Variants in ILK observed in about 807,000 individuals in gnomAD.
ILK encodes the protein integrin linked kinase.
In ILK, 37 loss-of-function variants were observed where a neutral mutation model predicts 57.8. The observed-to-expected ratio is 0.64, with a 90% CI of 0.49 to 0.84. The LOEUF (loss-of-function observed/expected upper bound fraction) is 0.84. ILK is among the 40% of genes least tolerant of loss of function. The pLI is 0.00. For synonymous variants in ILK, 231 were observed against 202.2 expected, an observed-to-expected ratio of 1.14 and a Z score of -1.21; for missense variants, 528 against 595.7, an observed-to-expected ratio of 0.89 and a Z score of 1.18.
At chr11:6,605,535 G>A (rs1208331746) in intron 2 of ILK, among the ~76,000 whole-genome samples, 1 of 151,912 alleles carries the variant, frequency 6.6e-6, no homozygotes, top group African/African-American at 2.4e-5. Context: ...TAAGTTAAGG[G>A]GTACATGTGC....
rs2134578740 is a variant in ILK at position 6,610,762 on chromosome 11, C to T, written c.*151C>T. The T allele has an allele frequency of 7.5e-7, 1 of 1,325,624 alleles. No individual in the cohort carries two copies. 82.1% of individuals were successfully genotyped at this position (1,325,624 alleles called of 1,614,324 possible). A position where few individuals can be genotyped will look rare whatever the true frequency, so the allele number is the denominator to read the frequency against. On this transcript the variant is annotated 3_prime_UTR_variant, in exon 13 of 13. Transcript: ENST00000299421. ...GTCCATCCCCTTCCCCCATCCCTACCACTGTGGCCCCAAGAGGGGCGGGCT... is the reference window on the plus strand; with the variant it reads ...GTCCATCCCCTTCCCCCATCCCTACTACTGTGGCCCCAAGAGGGGCGGGCT...
At chr11:6,607,655 A>G (rs538548470) in intron 2 of ILK, 4 of 313,700 alleles carry the variant, frequency 1.3e-5, no homozygotes, top group South Asian at 1.1e-4. Flanking sequence ...AAGACAGTCC[A>G]TTAACAGATT....
chr11:6,603,979 G>T, intron 1 of ILK, 157 bp downstream of exon 1: 1 of 550,350 alleles, frequency 1.8e-6, no homozygotes, highest in East Asian at 3.2e-5. Context: ...CGCGGATAGG[G>T]TCTAGTTGCC....
Position 6,610,708 on chromosome 11 carries a change from T to C in ILK, c.*97T>C. 6.7e-7 allele frequency: 1 copy of C among 1,485,430 alleles called. No homozygotes were observed. The highest frequency in any genetic ancestry group is 1.8e-5 in the Admixed American group (1 of 57,058). The allele number at this position is 1,485,430 out of a possible 1,614,324, so 92.0% of individuals were successfully genotyped here. A position where few individuals can be genotyped will look rare whatever the true frequency, so the allele number is the denominator to read the frequency against. ...CAGGCCTCTGGTTGCCTCCCCCGCC[T>C]CCAGTCATGGTACTACCCCAGCCAT... On this transcript the variant is annotated 3_prime_UTR_variant, in exon 13 of 13. Coordinates refer to ENST00000299421, the MANE Select transcript of ILK (RefSeq NM_004517.4).
At chr11:6,609,466 AAG>A in intron 8 of ILK, 44 bp from the exon 9 acceptor site, 3 of 1,614,084 alleles carry the variant, frequency 1.9e-6, no homozygotes, top group Non-Finnish European at 8.5e-7. Context: ...ATAGCACTGA[AAG>A]AGATCTTTTG....
Position 6,610,068 on chromosome 11 carries a change from A to G in ILK, c.1078+33A>G, listed in dbSNP as rs184775200. On this transcript the variant is annotated intron_variant, in intron 11 of 12. Transcript: ENST00000299421. The stretch of plus-strand genomic sequence containing the variant: ...AAGTCATCATGTCGGGAGGTAAAAA[A>G]GGACCACCTCAGAAGTAGTGGAAGG... The G allele has an allele frequency of 8.4e-4, 1,349 of 1,613,988 alleles. 6 individuals are homozygous for G. The African/African-American group carries it at 0.014, about 17-fold the overall frequency.
Position 6,608,232 on chromosome 11 carries a change from C to CATCCACA in ILK, c.255+22_255+28dup, listed in dbSNP as rs769142558. Reference sequence around the variant, plus strand: ...AGAAGGTACGTACAAACTCCTTCGTCATCCACATCACATACATGCCATGAG... The same window carrying CATCCACA: ...AGAAGGTACGTACAAACTCCTTCGTCATCCACAATCCACATCACATACATGCCATGAG... On this transcript the variant is annotated intron_variant, in intron 3 of 12. Coordinates refer to ENST00000299421, the MANE Select transcript of ILK (RefSeq NM_004517.4). This position sits in a 1 kb window ranked among gnomAD's most constrained non-coding sequence, Gnocchi z 4.9. 6.2e-7 allele frequency: 1 copy of CATCCACA among 1,613,656 alleles called. No homozygotes were observed. Among genetic ancestry groups the CATCCACA allele is most frequent in the South Asian group, 1.1e-5 (1 of 91,044 alleles).
At position 6,610,636 on chromosome 11, in the gene ILK, CCA is replaced by C. The variant is rs1855413190; in HGVS notation, c.*26_*27del. 2 of 1,613,868 alleles carry C rather than the reference CCA, an allele frequency of 1.2e-6. No individual in the cohort carries two copies. Among genetic ancestry groups the C allele is most frequent in the Non-Finnish European group, 8.5e-7 (1 of 1,179,916 alleles). On this transcript the variant is annotated 3_prime_UTR_variant, in exon 13 of 13. Coordinates refer to ENST00000299421, the MANE Select transcript of ILK (RefSeq NM_004517.4). ...GGACTGGAAGGTCCTTGCCTGAACT[CCA>C]GAGGTGTCGGGACATGGTTGGGGGA...
At chr11:6,603,997 G>A (rs1404884176) in intron 1 of ILK, 175 bp downstream of exon 1, 2 of 566,614 alleles carry the variant, frequency 3.5e-6, no homozygotes, top group Non-Finnish European at 6.3e-6. Context: ...GCCTGCTCTC[G>A]GACATCCGTT....
Position 6,608,746 on chromosome 11 carries a change from T to TG in ILK, c.405dup (p.Pro136AlafsTer54). On this transcript the variant is annotated frameshift_variant, in exon 5 of 13. Coordinates refer to ENST00000299421, the MANE Select transcript of ILK (RefSeq NM_004517.4). LOFTEE classifies it high-confidence loss of function. This position sits in a 1 kb window ranked among gnomAD's most constrained non-coding sequence, Gnocchi z 4.9. ...AGCATCTGTAACAAGTATGGAGAGA[T>TG]GCCTGTGGACAAAGCCAAGGCACCC... 1 of 1,614,176 alleles carries TG rather than the reference T, an allele frequency of 6.2e-7. No homozygotes were observed. The highest frequency in any genetic ancestry group is 8.5e-7 in the Non-Finnish European group (1 of 1,180,000).
chr11:6,604,340 G>A lies in ILK; in HGVS notation c.69G>A (p.Thr23=), dbSNP rs780181986. 1.4e-5 allele frequency: 22 copies of A among 1,611,080 alleles called. No individual in the cohort carries two copies. Among genetic ancestry groups the A allele is most frequent in the Non-Finnish European group, 1.9e-5 (22 of 1,178,914 alleles). Residue 23 remains threonine (T), a synonymous_variant, in exon 2 of 13, where the codon ACG becomes ACA. Transcript: ENST00000299421. ...AVAVRLWLDN[T]ENDLNQGDDH... ...CCGTTCGCCTGTGGCTGGACAACAC[G>A]GAGAACGACCTCAACCAGGGGTGAG...
chr11:6,610,603 G>T lies in ILK; in HGVS notation c.1351G>T (p.Asp451Tyr). 2 of 1,614,190 alleles carry T rather than the reference G, an allele frequency of 1.2e-6. No homozygotes were observed. The highest frequency in any genetic ancestry group is 1.7e-6 in the Non-Finnish European group (2 of 1,180,042). ...MIVPILEKMQ[D>Y]K ...TGTGCCTATCCTTGAGAAGATGCAGGACAAGTAGGACTGGAAGGTCCTTGC... is the reference window on the plus strand; with the variant it reads ...TGTGCCTATCCTTGAGAAGATGCAGTACAAGTAGGACTGGAAGGTCCTTGC... Residue 451 changes from aspartate to tyrosine, a missense_variant, in exon 13 of 13, where the codon GAC (aspartate) becomes TAC (tyrosine). By Grantham distance (160) the Asp-to-Tyr change is radical (BLOSUM62 -3). Coordinates refer to ENST00000299421, the MANE Select transcript of ILK (RefSeq NM_004517.4).
chr11:6,607,766 C>G (rs1855074677), intron 2 of ILK: 1 of 471,444 alleles, frequency 2.1e-6, no homozygotes, highest in Non-Finnish European at 3.9e-6. Flanking sequence ...GCAAGAGAAA[C>G]CAGGGGAAGA....
chr11:6,610,143 T>C lies in ILK; in HGVS notation c.1079-5T>C, dbSNP rs1855356541. The C allele has an allele frequency of 6.2e-7, 1 of 1,614,190 alleles. No individual in the cohort carries two copies. Among genetic ancestry groups the C allele is most frequent in the Non-Finnish European group, 8.5e-7 (1 of 1,180,028 alleles). ...GGCCAGAACAGACAAGCCCTATCTC[T>C]CCAGCTCTGCAGAAGAAGCCTGAAG... On this transcript the variant is annotated splice_polypyrimidine_tract_variant and splice_region_variant and intron_variant, in intron 11 of 12. Transcript: ENST00000299421.
intron 2 of ILK, among the ~76,000 whole-genome samples, chr11:6,605,976 C>G (rs1436105168): frequency 1.3e-5 from 2 of 152,084 alleles, no homozygotes. Context: ...GAGTTCGAGA[C>G]CAGCCTGACC....
chr11:6,607,867 G>A (rs1214500535), intron 2 of ILK, 179 bp from the exon 3 acceptor site: 1 of 627,804 alleles, frequency 1.6e-6, no homozygotes, highest in South Asian at 1.9e-5. Flanking sequence ...TGGTTGGTTT[G>A]GTTTGAAGCT....
intron 7 of ILK, 21 bp downstream of exon 7, chr11:6,609,177 C>A (rs971181140): frequency 6.2e-7 from 1 of 1,607,234 alleles, no homozygotes; most frequent in African/African-American, 1.3e-5. Context: ...CCCTTCTTGC[C>A]CTTCCCTCAC....
intron 7 of ILK, 53 bp downstream of exon 7, chr11:6,609,209 C>T (rs897137542): frequency 1.3e-6 from 2 of 1,599,286 alleles, no homozygotes; most frequent in East Asian, 4.5e-5. Flanking sequence ...AAATTACTTG[C>T]TTTGTACCTG....
At chr11:6,606,011 T>C (rs1190973270) in intron 2 of ILK, among the ~76,000 whole-genome samples, 1 of 151,996 alleles carries the variant, frequency 6.6e-6, no homozygotes. Flanking sequence ...CTGTCTCTAC[T>C]AAAAATACAA....
Sources: allele counts gnomAD v4.1 joint callset (sites outside exome capture counted in the v4.1 genomes callset), GRCh38; gene constraint gnomAD v4.1.1; non-coding constraint Gnocchi (gnomAD v3.1); transcripts MANE v1.5; gene names NCBI Gene and HGNC (gene_info 2026-07-23, HGNC 2026-07-21).